Variants in IVD observed in about 807,000 individuals in gnomAD.
IVD encodes isovaleryl-CoA dehydrogenase, also known as isovaleryl-CoA dehydrogenase, mitochondrial.
In IVD, 31 loss-of-function variants were observed where a neutral mutation model predicts 51.3. That is an observed-to-expected ratio of 0.60 (90% CI 0.45 to 0.81). IVD has a LOEUF of 0.81. IVD is among the 40% of genes least tolerant of loss of function. The pLI is 0.00. For synonymous variants in IVD, 205 were observed against 219.4 expected (o/e 0.93, Z 0.58); for missense variants, 475 against 552.0 (o/e 0.86, Z 1.40).
chr15:40,413,287 C>CG, intron 7 of IVD, 200 bp downstream of exon 7: 6 of 630,750 alleles, frequency 9.5e-6, no homozygotes, highest in East Asian at 2.9e-5. Context: ...GCCTAACTGG[C>CG]ATCACACACT....
chr15:40,406,008 C>G (rs148239901), intron 1 of IVD, 37 bp downstream of exon 1: 255 of 1,245,710 alleles, frequency 2.0e-4, no homozygotes, highest in Middle Eastern at 6.9e-4. Context: ...CCCAAGGCCT[C>G]CTTCCTGCCT....
At position 40,418,304 on chromosome 15, in the gene IVD, T is replaced by C; in HGVS notation, c.*41T>C. On this transcript the variant is annotated 3_prime_UTR_variant, in exon 12 of 12. Transcript: ENST00000487418. ...CCCCCTTTTCCTGCACCTAGTGGCCTTTCTTGGGAAGTAGAGATGTGGCGG... is the reference window on the plus strand; with the variant it reads ...CCCCCTTTTCCTGCACCTAGTGGCCCTTCTTGGGAAGTAGAGATGTGGCGG... 1 of 1,612,392 alleles carries C rather than the reference T, an allele frequency of 6.2e-7. No homozygotes were observed. The highest frequency in any genetic ancestry group is 1.1e-5 in the South Asian group (1 of 90,858).
chr15:40,416,785 G>A (rs1201385718), intron 11 of IVD, among the ~76,000 whole-genome samples: 1 of 152,186 alleles, frequency 6.6e-6, no homozygotes, highest in Non-Finnish European at 1.5e-5. Flanking sequence ...GGCTCTTTCT[G>A]TCCCAGTTAC....
chr15:40,412,409 A>G (rs767769113), intron 6 of IVD, among the ~76,000 whole-genome samples: 5 of 152,194 alleles, frequency 3.3e-5, no homozygotes, highest in African/African-American at 4.8e-5. Context: ...GGTACCCTCC[A>G]TAGAGAGGGG....
rs184279816 is a variant in IVD at position 40,410,848 on chromosome 15, C to T, written c.456+51C>T. The T allele has an allele frequency of 3.1e-6, 5 of 1,596,910 alleles. No homozygotes were observed. The East Asian group carries it at 9.0e-5, about 29-fold the overall frequency. ...GCTAATCTCACAGTGCAACCACCAA[C>T]TAAAAGATACCCTCTCCCCTTGGGG... is the stretch of plus-strand genomic sequence containing the variant. On this transcript the variant is annotated intron_variant, in intron 4 of 11. Transcript: ENST00000487418.
chr15:40,416,003 T>A, intron 9 of IVD, 75 bp from the exon 10 acceptor site: 1 of 1,311,552 alleles, frequency 7.6e-7, no homozygotes, highest in Non-Finnish European at 1.1e-6. Flanking sequence ...GCTGTCTTGT[T>A]GCCATTGCTG....
At position 40,405,817 on chromosome 15, in the gene IVD, G is replaced by T. The variant is rs1314507153; in HGVS notation, c.-11G>T. 6.2e-7 allele frequency: 1 copy of T among 1,610,906 alleles called. No homozygotes were observed. Among genetic ancestry groups the T allele is most frequent in the Non-Finnish European group, 8.5e-7 (1 of 1,177,702 alleles). ...CTCAGTTTCAGCGCTGGCTCTTCGT[G>T]CATGGCAGAGATGGCGACTGCGACT... is the stretch of plus-strand genomic sequence containing the variant. On this transcript the variant is annotated 5_prime_UTR_variant, in exon 1 of 12. Transcript: ENST00000487418.
At chr15:40,415,170 TTAAG>T (rs1891524017) in intron 8 of IVD, 188 bp downstream of exon 8, 1 of 778,536 alleles carries the variant, frequency 1.3e-6, no homozygotes, top group East Asian at 2.7e-5. Flanking sequence ...GGAAATATCA[TTAAG>T]TAACAGACAA....
chr15:40,430,373 A>C (rs2141428370), intron 7 of IVD, among the ~76,000 whole-genome samples: 1 of 152,318 alleles, frequency 6.6e-6, no homozygotes, highest in Non-Finnish European at 1.5e-5. Context: ...AGAGCATTGC[A>C]GGTTGCGGAG....
intron 11 of IVD, among the ~76,000 whole-genome samples, chr15:40,416,949 C>T (rs769917229): frequency 2.0e-5 from 3 of 152,164 alleles, no homozygotes; most frequent in Admixed American, 6.5e-5. Flanking sequence ...CCTGTAATTC[C>T]AACACTTTAG....
chr15:40,416,057 G>C, intron 9 of IVD, 21 bp from the exon 10 acceptor site: 1 of 1,611,732 alleles, frequency 6.2e-7, no homozygotes, highest in South Asian at 1.1e-5. Context: ...ATGTTGACCT[G>C]TGACATCCCT....
In IVD at chr15:40,420,539, G is replaced by A. The variant is rs372973889; in HGVS notation, c.*2276G>A. 1.3e-5 allele frequency: 13 copies of A among 987,492 alleles called. No homozygotes were observed. In the East Asian group the frequency reaches 1.2e-3, roughly 95 times the overall value. The allele number at this position is 987,492 out of a possible 1,614,324, so 61.2% of individuals were successfully genotyped here. A position where few individuals can be genotyped will look rare whatever the true frequency, so the allele number is the denominator to read the frequency against. ...AGTGGCTGGCCCAGGTCCTATTCCTGTCCTCCAGCCCGTTCTTTCATGAGG... is the reference window on the plus strand; with the variant it reads ...AGTGGCTGGCCCAGGTCCTATTCCTATCCTCCAGCCCGTTCTTTCATGAGG... On this transcript the variant is annotated 3_prime_UTR_variant, in exon 12 of 12. Coordinates refer to ENST00000487418, the MANE Select transcript of IVD (RefSeq NM_002225.5).
At chr15:40,430,376 T>C (rs1401904558) in intron 7 of IVD, among the ~76,000 whole-genome samples, 1 of 152,142 alleles carries the variant, frequency 6.6e-6, no homozygotes, top group Admixed American at 6.5e-5. Context: ...GCATTGCAGG[T>C]TGCGGAGTGT....
intron 7 of IVD, among the ~76,000 whole-genome samples, chr15:40,413,407 C>T (rs1428602301): frequency 6.6e-6 from 1 of 152,140 alleles, no homozygotes; most frequent in Non-Finnish European, 1.5e-5. Context: ...ATGTGAGTAA[C>T]TCATTAACTC....
chr15:40,417,715 G>A (rs1278782591), intron 11 of IVD, among the ~76,000 whole-genome samples: 1 of 152,176 alleles, frequency 6.6e-6, no homozygotes, highest in Non-Finnish European at 1.5e-5. Context: ...TGATATCAGA[G>A]TGCCTGTGTT....
At chr15:40,429,434 G>A (rs1892848003), downstream of IVD, among the ~76,000 whole-genome samples, 1 of 152,182 alleles carries the variant, frequency 6.6e-6, no homozygotes, top group South Asian at 2.1e-4. Flanking sequence ...TAAAAACTAT[G>A]AGACATCTCA....
Position 40,418,334 on chromosome 15 carries a change from C to A in IVD, c.*71C>A. 1.2e-6 allele frequency: 2 copies of A among 1,606,124 alleles called. No homozygotes were observed. The highest frequency in any genetic ancestry group is 1.7e-6 in the Non-Finnish European group (2 of 1,177,810). ...TGGGAAGTAGAGATGTGGCGGCTTT[C>A]CCACCCTGCCCACAGCAGGCCCTCC... is the stretch of plus-strand genomic sequence containing the variant. On this transcript the variant is annotated 3_prime_UTR_variant, in exon 12 of 12. Transcript: ENST00000487418.
chr15:40,424,973 C>T (rs1354627399), downstream of IVD, among the ~76,000 whole-genome samples: 4 of 152,174 alleles, frequency 2.6e-5, no homozygotes. Context: ...CTGTTTTCTC[C>T]AGGCCTTCCC....
chr15:40,415,630 T>C, intron 9 of IVD, 148 bp downstream of exon 9: 1 of 743,468 alleles, frequency 1.3e-6, no homozygotes, highest in Non-Finnish European at 2.4e-6. Context: ...TTCCTCAGCA[T>C]GCAGCCTGAC....
Sources: gnomAD v4.1 joint callset for allele counts (sites outside exome capture counted in the v4.1 genomes callset) on GRCh38, gnomAD v4.1.1 for gene constraint, MANE v1.5 for transcripts, NCBI Gene and HGNC (gene_info 2026-07-23, HGNC 2026-07-21) for gene names.